Variants in MYBL2 observed in about 807,000 individuals in gnomAD.
MYBL2 encodes myb-related protein B.
In MYBL2, 28 loss-of-function variants were observed where a neutral mutation model predicts 79.9. The ratio of observed to expected loss-of-function variants is 0.35; its 90% CI spans 0.26 to 0.48. The LOEUF (loss-of-function observed/expected upper bound fraction) is 0.48, where lower values mean the gene tolerates loss of function less well. MYBL2 is among the 20% of genes least tolerant of loss of function. The probability of loss-of-function intolerance (pLI) is 0.99; values close to 1 mark genes in which losing one functional copy is unlikely to be tolerated. For missense variants in MYBL2, 735 were observed against 893.9 expected, an observed-to-expected ratio of 0.82 and a Z score of 2.27; for synonymous variants, 378 against 361.2, an observed-to-expected ratio of 1.05 and a Z score of -0.53.
At chr20:43,700,262 TG>T (rs773424375) in intron 7 of MYBL2, among the ~76,000 whole-genome samples, 7 of 152,148 alleles carry the variant, frequency 4.6e-5, no homozygotes, top group Non-Finnish European at 1.0e-4. Flanking sequence ...CAGGAGTTTG[TG>T]GTGGCATCTG....
In MYBL2 at chr20:43,713,121, C is replaced by T. The variant is rs1987949879; in HGVS notation, c.1824+15C>T. On this transcript the variant is annotated intron_variant, in intron 12 of 13. Transcript: ENST00000217026. ...CTCTATCCTTGGTAAGGCTTCTGCTCCTTGGAACTGTTGAGTTTTGGAGAG... is the reference window on the plus strand; with the variant it reads ...CTCTATCCTTGGTAAGGCTTCTGCTTCTTGGAACTGTTGAGTTTTGGAGAG... 1 of 1,602,850 alleles carries T rather than the reference C, an allele frequency of 6.2e-7. No individual in the cohort carries two copies. The highest frequency in any genetic ancestry group is 8.5e-7 in the Non-Finnish European group (1 of 1,172,656).
At chr20:43,694,103 CG>C (rs1305881110) in intron 6 of MYBL2, among the ~76,000 whole-genome samples, 3 of 151,810 alleles carry the variant, frequency 2.0e-5, no homozygotes, top group Non-Finnish European at 4.4e-5. Flanking sequence ...GAGGCCGAGG[CG>C]GGTGGATCAC....
At chr20:43,688,988 C>A (rs190967072) in intron 5 of MYBL2, among the ~76,000 whole-genome samples, 26 of 152,134 alleles carry the variant, frequency 1.7e-4, no homozygotes, top group Non-Finnish European at 3.4e-4. Flanking sequence ...TGGGGTTTTG[C>A]CATCTTGGCC....
intron 9 of MYBL2, 129 bp downstream of exon 9, chr20:43,705,487 AAAGCC>A: frequency 6.3e-6 from 7 of 1,119,364 alleles, no homozygotes; most frequent in Non-Finnish European, 8.3e-6. Context: ...CTGTTTTAAG[AAAGCC>A]CTCTCCTTTC....
At chr20:43,668,935 C>T (rs1187618910) in intron 1 of MYBL2, among the ~76,000 whole-genome samples, 5 of 152,128 alleles carry the variant, frequency 3.3e-5, no homozygotes, top group East Asian at 1.9e-4. Context: ...GGCACAATCT[C>T]GGCTCACTGC....
chr20:43,685,827 C>A (rs536340986), intron 4 of MYBL2, among the ~76,000 whole-genome samples: 1 of 151,864 alleles, frequency 6.6e-6, no homozygotes, highest in Non-Finnish European at 1.5e-5. Context: ...CACCTGAGGT[C>A]GGGAGTTCAA....
At chr20:43,688,798 AT>A (rs1428946015) in intron 5 of MYBL2, among the ~76,000 whole-genome samples, 1 of 151,292 alleles carries the variant, frequency 6.6e-6, no homozygotes. Context: ...TCAATATTAT[AT>A]TTTTTTTAAG....
chr20:43,682,226 C>T (rs1423725835), intron 3 of MYBL2, among the ~76,000 whole-genome samples: 5 of 149,768 alleles, frequency 3.3e-5, no homozygotes, highest in Admixed American at 2.6e-4. Context: ...TGGTGAGGCC[C>T]CTGCAGGGCT....
intron 13 of MYBL2, 80 bp downstream of exon 13, chr20:43,715,363 G>T: frequency 3.1e-6 from 5 of 1,587,516 alleles, no homozygotes; most frequent in Non-Finnish European, 4.3e-6. Context: ...ATCCCTGGGG[G>T]TCCTGCAGTG....
chr20:43,672,388 C>G (rs892126426), intron 1 of MYBL2, among the ~76,000 whole-genome samples: 7 of 149,200 alleles, frequency 4.7e-5, no homozygotes, highest in Non-Finnish European at 7.4e-5. Context: ...CCCAGGAGTT[C>G]AAGACCAGTC....
Position 43,667,278 on chromosome 20 carries a change from G to C in MYBL2, c.-6G>C, listed in dbSNP as rs1018873802. The C allele has an allele frequency of 8.2e-7, 1 of 1,225,140 alleles. No individual in the cohort carries two copies. The highest frequency in any genetic ancestry group is 4.1e-5 in the South Asian group (1 of 24,256). The allele number at this position is 1,225,140 out of a possible 1,614,324, so 75.9% of individuals were successfully genotyped here. A position where few individuals can be genotyped will look rare whatever the true frequency, so the allele number is the denominator to read the frequency against. On this transcript the variant is annotated 5_prime_UTR_variant, in exon 1 of 14. Coordinates refer to ENST00000217026, the MANE Select transcript of MYBL2 (RefSeq NM_002466.4). ...GGGCGAGCGCGGCGCGGTCCGGGCC[G>C]GGGGGATGTCTCGGCGGACGCGCTG...
chr20:43,696,007 ACT>A (rs574180444), intron 6 of MYBL2, among the ~76,000 whole-genome samples: 49 of 152,074 alleles, frequency 3.2e-4, no homozygotes, highest in Admixed American at 2.8e-3. Flanking sequence ...TGACAGCAAG[ACT>A]CTGTCTTAAA....
In MYBL2 at chr20:43,713,017, A is replaced by G. The variant is rs752555341; in HGVS notation, c.1735A>G (p.Ile579Val). 8 of 1,611,884 alleles carry G rather than the reference A, an allele frequency of 5.0e-6. No individual in the cohort carries two copies. The Admixed American group carries it at 1.2e-4, about 24-fold the overall frequency. Residue 579 changes from isoleucine (I) to valine (V), a missense_variant, in exon 12 of 14, where the codon ATC (isoleucine) becomes GTC (valine). Transcript: ENST00000217026. Reference sequence around the variant, plus strand: ...CAACCCCTAGCTGCGGCGGAGCCCCATCAAGAAAGTCCGGAAGTCTCTGGC... The same window carrying G: ...CAACCCCTAGCTGCGGCGGAGCCCCGTCAAGAAAGTCCGGAAGTCTCTGGC... ...KRKPGLRRSP[I>V]KKVRKSLALD...
At chr20:43,678,864 AAAAAAAAAAAG>A (rs1441758714) in intron 2 of MYBL2, among the ~76,000 whole-genome samples, 5 of 131,250 alleles carry the variant, frequency 3.8e-5, no homozygotes, top group African/African-American at 9.5e-5. Flanking sequence ...TCTCAAAAAA[AAAAAAAAAAAG>A]AAAAAAACAT....
chr20:43,713,221 A>G (rs769816121), intron 12 of MYBL2, 115 bp downstream of exon 12: 10 of 592,226 alleles, frequency 1.7e-5, no homozygotes, highest in Non-Finnish European at 2.4e-5. Flanking sequence ...GGGAGGGGCT[A>G]TCAGGGAGGG....
chr20:43,678,517 G>A (rs1987069593), intron 2 of MYBL2, among the ~76,000 whole-genome samples: 1 of 152,058 alleles, frequency 6.6e-6, no homozygotes, highest in African/African-American at 2.4e-5. Flanking sequence ...TGATGTGAAT[G>A]TAGCCGGGCT....
intron 6 of MYBL2, 76 bp from the exon 7 acceptor site, chr20:43,699,681 T>A: frequency 6.8e-7 from 1 of 1,464,638 alleles, no homozygotes; most frequent in Non-Finnish European, 9.3e-7. Context: ...AGATTCAGGT[T>A]GTGTGGTTTA....
chr20:43,679,774 G>A (rs1021106840), intron 2 of MYBL2, among the ~76,000 whole-genome samples: 2 of 152,164 alleles, frequency 1.3e-5, no homozygotes, highest in Admixed American at 1.3e-4. Flanking sequence ...AGCCAGGCCT[G>A]GTGGTGTGTG....
At chr20:43,670,307 A>G (rs968699554) in intron 1 of MYBL2, among the ~76,000 whole-genome samples, 1 of 152,142 alleles carries the variant, frequency 6.6e-6, no homozygotes, top group African/African-American at 2.4e-5. Flanking sequence ...TGTTATTAGT[A>G]TCTTCTGGAT....
Sources: allele counts gnomAD v4.1 joint callset (sites outside exome capture counted in the v4.1 genomes callset), GRCh38; gene constraint gnomAD v4.1.1; transcripts MANE v1.5; gene names NCBI Gene and HGNC (gene_info 2026-07-23, HGNC 2026-07-21).